CRB1: variants seen among roughly 807,000 people sequenced by gnomAD.
CRB1 encodes the protein protein crumbs homolog 1.
In CRB1, 83 loss-of-function variants were observed where a neutral mutation model predicts 120.0. The observed-to-expected ratio is 0.69, with a 90% CI of 0.58 to 0.83. The LOEUF is 0.83. CRB1 is among the 40% of genes least tolerant of loss of function. The probability of loss-of-function intolerance (pLI) is 0.00; values close to 1 mark genes in which losing one functional copy is unlikely to be tolerated. For synonymous variants in CRB1, 625 were observed against 612.5 expected, an observed-to-expected ratio of 1.02 and a Z score of -0.30; for missense variants, 1,699 against 1,687.6, an observed-to-expected ratio of 1.01 and a Z score of -0.12.
chr1:197,307,379 G>A (rs1043892869), intron 1 of CRB1, among the ~76,000 whole-genome samples: 1 of 152,174 alleles, frequency 6.6e-6, no homozygotes, highest in African/African-American at 2.4e-5. Context: ...ATTCTGTTAA[G>A]TTTAATGAAT....
At chr1:197,384,037 A>G (rs1459251754) in intron 5 of CRB1, among the ~76,000 whole-genome samples, 1 of 152,226 alleles carries the variant, frequency 6.6e-6, no homozygotes, top group African/African-American at 2.4e-5. Flanking sequence ...TGGTTTATTC[A>G]GCAGATGTAA....
Position 197,421,872 on chromosome 1 carries a change from CA to C in CRB1, c.2047del (p.Ser683AlafsTer10), listed in dbSNP as rs755358068. On this transcript the variant is annotated frameshift_variant, in exon 6 of 12. Coordinates refer to ENST00000367400, the MANE Select transcript of CRB1 (RefSeq NM_201253.3). LOFTEE classifies it high-confidence loss of function. ...GGATTGGTGTGAAAGCCAACCTTGT[CA>C]AAGCAGAGGACGCTGCATCAACTTG... ...RKDWCESQPCQSRGRCINLWL... is the reference protein window; with the variant it reads ...RKDWCESQPCXSRGRCINLWL... The C allele has an allele frequency of 1.2e-6, 2 of 1,614,172 alleles. No homozygotes were observed. Among genetic ancestry groups the C allele is most frequent in the Non-Finnish European group, 1.7e-6 (2 of 1,180,034 alleles).
chr1:197,349,400 T>A (rs1283076960), intron 4 of CRB1, among the ~76,000 whole-genome samples: 11 of 152,216 alleles, frequency 7.2e-5, no homozygotes, highest in Non-Finnish European at 1.6e-4. Context: ...TCATTAGGAT[T>A]TTTTGATAAA....
At chr1:197,236,612 A>G in the CRB1 span, among the ~76,000 whole-genome samples, 1 of 152,126 alleles carries the variant, frequency 6.6e-6, no homozygotes, top group African/African-American at 2.4e-5. Flanking sequence ...TAGGATGAAA[A>G]TATTCTGTCT....
At position 197,340,430 on chromosome 1, in the gene CRB1, G is replaced by A. The variant is rs150477819; in HGVS notation, c.653-3851G>A. 5.9e-3 allele frequency among the ~76,000 whole-genome samples: 898 copies of A among 152,292 alleles called. 12 individuals are homozygous for A. Among genetic ancestry groups the A allele is most frequent in the African/African-American group, 0.018 (740 of 41,566 alleles). The stretch of plus-strand genomic sequence containing the variant: ...GCTTTATTTCAGAGACAGGGAGATA[G>A]AGAGGGGATGATGTCAAAAATTTAA... On this transcript the variant is annotated intron_variant, in intron 2 of 11. Coordinates refer to ENST00000367400, the MANE Select transcript of CRB1 (RefSeq NM_201253.3).
chr1:197,467,224 G>T (rs1039609015), intron 11 of CRB1, among the ~76,000 whole-genome samples: 1 of 151,770 alleles, frequency 6.6e-6, no homozygotes, highest in African/African-American at 2.4e-5. Flanking sequence ...AACCTAAAGA[G>T]AATTGAAAAA....
At chr1:197,319,454 AAAAAG>A (rs1658060704) in intron 1 of CRB1, among the ~76,000 whole-genome samples, 1 of 140,242 alleles carries the variant, frequency 7.1e-6, no homozygotes, top group Admixed American at 6.9e-5. Flanking sequence ...AAAAAAAAAA[AAAAAG>A]AAAGAACGGA....
chr1:197,452,464 A>G (rs1187831848), intron 11 of CRB1, among the ~76,000 whole-genome samples: 3 of 152,238 alleles, frequency 2.0e-5, no homozygotes, highest in Non-Finnish European at 4.4e-5. Flanking sequence ...GTAGGAGACA[A>G]GGCTGAGTCT....
chr1:197,392,509 G>A (rs185761413), intron 5 of CRB1, among the ~76,000 whole-genome samples: 4 of 152,042 alleles, frequency 2.6e-5, no homozygotes, highest in Admixed American at 6.6e-5. Context: ...GCTCTGAGCT[G>A]TAAAGAAATA....
intron 5 of CRB1, among the ~76,000 whole-genome samples, chr1:197,391,064 A>G (rs2125414769): frequency 6.6e-6 from 1 of 152,280 alleles, no homozygotes; most frequent in African/African-American, 2.4e-5. Context: ...ACAAAGGAGT[A>G]CATGCCAATT....
At chr1:197,457,802 T>G (rs910719914) in intron 11 of CRB1, among the ~76,000 whole-genome samples, 1 of 152,134 alleles carries the variant, frequency 6.6e-6, no homozygotes, top group African/African-American at 2.4e-5. Context: ...TATTGTTGAT[T>G]GTTTATTTGC....
chr1:197,285,526 C>T (rs991447843), intron 1 of CRB1, among the ~76,000 whole-genome samples: 3 of 151,858 alleles, frequency 2.0e-5, no homozygotes, highest in African/African-American at 4.8e-5. Flanking sequence ...GATTTTATTA[C>T]TTTTATAGCT....
chr1:197,291,917 A>G (rs1656205177), intron 1 of CRB1, among the ~76,000 whole-genome samples: 1 of 152,050 alleles, frequency 6.6e-6, no homozygotes, highest in South Asian at 2.1e-4. Flanking sequence ...CATTTAAAGC[A>G]GTGTGTAGAG....
intron 11 of CRB1, among the ~76,000 whole-genome samples, chr1:197,464,599 T>C (rs1666673516): frequency 6.6e-6 from 1 of 152,092 alleles, no homozygotes; most frequent in African/African-American, 2.4e-5. Context: ...CTATGTCTCC[T>C]TGGGAGTTAA....
rs1305736194 is a variant in CRB1 at position 197,427,672 on chromosome 1, G to A, written c.2347G>A (p.Val783Ile). 6.2e-7 allele frequency: 1 copy of A among 1,613,762 alleles called. No individual in the cohort carries two copies. Among genetic ancestry groups the A allele is most frequent in the African/African-American group, 1.3e-5 (1 of 74,926 alleles). Residue 783 changes from valine (V) to isoleucine (I), a missense_variant, in exon 7 of 12, where the codon GTA (valine) becomes ATA (isoleucine). By Grantham distance (29) the Val-to-Ile change is conservative. Transcript: ENST00000367400. ...AMLTPNSPKL[V>I]VKFVLNDGNV... The stretch of plus-strand genomic sequence containing the variant: ...GCTGACTCCAAACTCTCCCAAATTA[G>A]TAGTAAAATTTGTTCTTAATGATGG...
At chr1:197,268,803 A>G (rs1654745047) in intron 1 of CRB1, among the ~76,000 whole-genome samples, 2 of 152,180 alleles carry the variant, frequency 1.3e-5, no homozygotes, top group African/African-American at 4.8e-5. Context: ...TACAAAATAG[A>G]TTTGGCCCTT....
chr1:197,241,759 A>G, the CRB1 span, among the ~76,000 whole-genome samples: 31 of 151,550 alleles, frequency 2.0e-4, no homozygotes, highest in African/African-American at 7.5e-4. Flanking sequence ...TGGGAATAGC[A>G]TTGAATCTAT....
chr1:197,340,659 C>T lies in CRB1; in HGVS notation c.653-3622C>T, dbSNP rs143409931. 1.1e-4 allele frequency among the ~76,000 whole-genome samples: 16 copies of T among 152,034 alleles called. No homozygotes were observed. In the East Asian group the frequency reaches 2.7e-3, roughly 26 times the overall value. ...TGAGATCTGATGACTAATTAGGACA[C>T]GGGGAATAGTGGCAAATAAGATGAT... is the stretch of plus-strand genomic sequence containing the variant. On this transcript the variant is annotated intron_variant, in intron 2 of 11. Coordinates refer to ENST00000367400, the MANE Select transcript of CRB1 (RefSeq NM_201253.3).
Position 197,421,757 on chromosome 1 carries a change from C to A in CRB1, c.1929C>A (p.Leu643=). 6.2e-7 allele frequency: 1 copy of A among 1,614,166 alleles called. No individual in the cohort carries two copies. The highest frequency in any genetic ancestry group is 8.5e-7 in the Non-Finnish European group (1 of 1,180,042). The change falls in exon 6 of 12, where the codon CTC becomes CTA. Residue 643 remains leucine, a synonymous_variant. Coordinates refer to ENST00000367400, the MANE Select transcript of CRB1 (RefSeq NM_201253.3). ...CCACACCTTCGTTTGTAGGCTGTCTCCAAGACATTAAAATTGATTGGAATC... is the reference window on the plus strand; with the variant it reads ...CCACACCTTCGTTTGTAGGCTGTCTACAAGACATTAAAATTGATTGGAATC... The part of the protein sequence containing the change: ...MPSTPSFVGC[L]QDIKIDWNHI...
Sources: gnomAD v4.1 joint callset for allele counts (sites outside exome capture counted in the v4.1 genomes callset) on GRCh38, gnomAD v4.1.1 for gene constraint, MANE v1.5 for transcripts, NCBI Gene and HGNC (gene_info 2026-07-23, HGNC 2026-07-21) for gene names.